The following PRKCI variants were observed in gnomAD, a reference collection of about 807,000 sequenced individuals.
PRKCI encodes the protein protein kinase C iota.
PRKCI carries 43 observed loss-of-function variants against 84.0 expected under a neutral mutation model. That is an observed-to-expected ratio of 0.51 (90% CI 0.40 to 0.66). PRKCI has a LOEUF of 0.66. PRKCI is among the 30% of genes least tolerant of loss of function. PRKCI has a pLI of 0.00. For missense variants in PRKCI, 459 were observed against 745.6 expected (o/e 0.62, Z 4.48); for synonymous variants, 216 against 234.4 (o/e 0.92, Z 0.72).
At chr3:170,238,732 C>T (rs1484901687) in intron 2 of PRKCI, among the ~76,000 whole-genome samples, 1 of 151,798 alleles carries the variant, frequency 6.6e-6, no homozygotes, top group African/African-American at 2.4e-5. Flanking sequence ...GCTGGGATTA[C>T]AAGCGTGCAA....
At chr3:170,278,844 C>A (rs912448723) in intron 8 of PRKCI, among the ~76,000 whole-genome samples, 1 of 152,066 alleles carries the variant, frequency 6.6e-6, no homozygotes, top group Non-Finnish European at 1.5e-5. Context: ...AGAGAGGGAG[C>A]AAGGGAGTCA....
chr3:170,222,510 C>G lies in PRKCI; in HGVS notation c.-160C>G, dbSNP rs867613682. ...AGGAGCCGCGCGGTTCCGGCTGCTC[C>G]GGCGAGGCGACCCTTGGGTCGGCGC... On this transcript the variant is annotated 5_prime_UTR_variant, in exon 1 of 18. Transcript: ENST00000295797. 5.1e-6 allele frequency: 3 copies of G among 586,992 alleles called. No individual in the cohort carries two copies. Among genetic ancestry groups the G allele is most frequent in the Non-Finnish European group, 8.2e-6 (3 of 368,046 alleles). The allele number at this position is 586,992 out of a possible 1,614,324, so 36.4% of individuals were successfully genotyped here.
intron 2 of PRKCI, among the ~76,000 whole-genome samples, chr3:170,250,889 A>C (rs1733427166): frequency 1.3e-5 from 2 of 152,184 alleles, no homozygotes; most frequent in African/African-American, 4.8e-5. Flanking sequence ...GATCAAAAAT[A>C]GTGTACCTGT....
rs1234810506 is a variant in PRKCI at position 170,295,995 on chromosome 3, A to C, written c.1497+5A>C. ...CTGAAGAGTTTTCTTAATAAGGTAT[A>C]AATTGTGTATAAGAATATTTTGTGA... On this transcript the variant is annotated splice_donor_5th_base_variant and intron_variant, in intron 15 of 17. Transcript: ENST00000295797. 1 of 1,479,274 alleles carries C rather than the reference A, an allele frequency of 6.8e-7. No homozygotes were observed. Among genetic ancestry groups the C allele is most frequent in the Admixed American group, 1.8e-5 (1 of 54,554 alleles). 91.6% of individuals were successfully genotyped at this position (1,479,274 alleles called of 1,614,324 possible).
chr3:170,280,912 A>G (rs570754966), intron 9 of PRKCI, among the ~76,000 whole-genome samples: 29 of 152,352 alleles, frequency 1.9e-4, no homozygotes, highest in African/African-American at 7.0e-4. Context: ...TTTTAAAAAA[A>G]CAAAAATCAA....
intron 2 of PRKCI, among the ~76,000 whole-genome samples, chr3:170,237,575 T>C (rs1733012353): frequency 6.6e-6 from 1 of 152,212 alleles, no homozygotes; most frequent in African/African-American, 2.4e-5. Context: ...CTACTTTTTT[T>C]ACAATAGTTT....
intron 2 of PRKCI, among the ~76,000 whole-genome samples, chr3:170,253,872 G>A (rs1411800293): frequency 6.6e-6 from 1 of 151,948 alleles, no homozygotes; most frequent in Admixed American, 6.6e-5. Context: ...CGAGGCGGGC[G>A]GATCACTTGA....
intron 1 of PRKCI, among the ~76,000 whole-genome samples, chr3:170,230,380 G>A (rs1163433428): frequency 6.6e-6 from 1 of 152,166 alleles, no homozygotes; most frequent in Non-Finnish European, 1.5e-5. Flanking sequence ...GCCCAGGCTG[G>A]AGTGCAGTGG....
chr3:170,286,011 AC>A (rs1328002269), intron 12 of PRKCI, among the ~76,000 whole-genome samples: 1 of 146,074 alleles, frequency 6.8e-6, no homozygotes, highest in African/African-American at 2.6e-5. Flanking sequence ...TGCAACCTCC[AC>A]CTCCCAGGTT....
intron 12 of PRKCI, among the ~76,000 whole-genome samples, chr3:170,287,730 T>A (rs535858919): frequency 6.7e-6 from 1 of 150,200 alleles, no homozygotes; most frequent in Non-Finnish European, 1.5e-5. Context: ...GCCAACATGG[T>A]AAAATCTTGT....
chr3:170,229,665 C>G (rs1732735719), intron 1 of PRKCI, among the ~76,000 whole-genome samples: 1 of 152,112 alleles, frequency 6.6e-6, no homozygotes, highest in Non-Finnish European at 1.5e-5. Context: ...CTCACTATTT[C>G]AAATAATGTT....
In PRKCI at chr3:170,293,506, A is replaced by G; in HGVS notation, c.1415A>G (p.Gln472Arg). 6.2e-7 allele frequency: 1 copy of G among 1,613,226 alleles called. No homozygotes were observed. Among genetic ancestry groups the G allele is most frequent in the Non-Finnish European group, 8.5e-7 (1 of 1,179,636 alleles). The change falls in exon 14 of 18, where the codon CAA (glutamine) becomes CGA (arginine). Residue 472 changes from glutamine to arginine, a missense_variant and splice_region_variant. Gln to Arg is a conservative substitution (Grantham distance 43). Coordinates refer to ENST00000295797, the MANE Select transcript of PRKCI (RefSeq NM_002740.6). ...CAGAACACAGAGGATTATCTCTTCC[A>G]AGGTAATTTGGAGTATTTTACAGAG... ...PDQNTEDYLF[Q>R]VILEKQIRIP... is the part of the protein sequence containing the mutation.
chr3:170,282,969 G>C (rs1417283129), intron 11 of PRKCI, among the ~76,000 whole-genome samples: 1 of 151,894 alleles, frequency 6.6e-6, no homozygotes, highest in African/African-American at 2.4e-5. Context: ...GCCGGGCGTG[G>C]TGGCGGGCAC....
chr3:170,250,512 C>T (rs903994014), intron 2 of PRKCI, among the ~76,000 whole-genome samples: 1 of 145,036 alleles, frequency 6.9e-6, no homozygotes, highest in Non-Finnish European at 1.5e-5. Flanking sequence ...CTGCAGGCCC[C>T]AGACCTAGAC....
intron 16 of PRKCI, among the ~76,000 whole-genome samples, chr3:170,297,617 A>G (rs561782926): frequency 6.6e-6 from 1 of 151,952 alleles, no homozygotes; most frequent in Non-Finnish European, 1.5e-5. Flanking sequence ...ATGCCCAGCT[A>G]ATTTTTGTAT....
At position 170,281,875 on chromosome 3, in the gene PRKCI, G is replaced by A. The variant is rs747796900; in HGVS notation, c.981-7G>A. On this transcript the variant is annotated splice_region_variant and splice_polypyrimidine_tract_variant and intron_variant, in intron 10 of 17. Transcript: ENST00000295797. Reference sequence around the variant, plus strand: ...CTTGATTTCATGGGTTCTCTCCTGTGTTTTAGATTGTTCTTTGTTATAGAG... The same window carrying A: ...CTTGATTTCATGGGTTCTCTCCTGTATTTTAGATTGTTCTTTGTTATAGAG... 1 of 1,587,050 alleles carries A rather than the reference G, an allele frequency of 6.3e-7. No individual in the cohort carries two copies. The highest frequency in any genetic ancestry group is 8.6e-7 in the Non-Finnish European group (1 of 1,169,232).
intron 4 of PRKCI, 150 bp downstream of exon 4, chr3:170,263,579 A>G: frequency 5.1e-6 from 3 of 588,098 alleles, no homozygotes; most frequent in Non-Finnish European, 8.6e-6. Flanking sequence ...AGGTGGGAGG[A>G]TCGCTTAAGC....
At chr3:170,263,300 T>G in intron 3 of PRKCI, 79 bp from the exon 4 acceptor site, 1 of 1,276,946 alleles carries the variant, frequency 7.8e-7, no homozygotes, top group Admixed American at 1.8e-5. Flanking sequence ...TCAGTTTCTT[T>G]TACATTTGAA....
intron 2 of PRKCI, among the ~76,000 whole-genome samples, chr3:170,236,210 T>G (rs1457682703): frequency 6.6e-6 from 1 of 151,952 alleles, no homozygotes; most frequent in Non-Finnish European, 1.5e-5. Context: ...CAAGCAATTC[T>G]TGTGCCTCAG....
Sources: gnomAD v4.1 joint callset for allele counts (sites outside exome capture counted in the v4.1 genomes callset) on GRCh38, gnomAD v4.1.1 for gene constraint, MANE v1.5 for transcripts, NCBI Gene and HGNC (gene_info 2026-07-23, HGNC 2026-07-21) for gene names.